Variants in PLCXD1 observed in about 807,000 individuals in gnomAD.
PLCXD1 encodes the protein phosphatidylinositol specific phospholipase C X domain containing 1.
In PLCXD1, 45 loss-of-function variants were observed where a neutral mutation model predicts 37.8. The ratio of observed to expected loss-of-function variants is 1.19; its 90% confidence interval spans 0.94 to 1.53. The LOEUF (loss-of-function observed/expected upper bound fraction) is 1.53. Among genes scored for constraint, PLCXD1 ranks in the 40% most tolerant of loss-of-function variants. The probability of loss-of-function intolerance (pLI) is 0.00; values close to 1 mark genes in which losing one functional copy is unlikely to be tolerated. For missense variants in PLCXD1, 539 were observed against 454.7 expected, an observed-to-expected ratio of 1.19 and a Z score of -1.69; for synonymous variants, 246 against 206.9, an observed-to-expected ratio of 1.19 and a Z score of -1.62.
chrX:290,785 G>A lies in PLCXD1; in HGVS notation c.393+9G>A, dbSNP rs766859538. ...CAACGGCGCTGGTGGAGGTGCGGCC[G>A]GGCTGAGGTGGGACGCAATGGGGAG... is the stretch of plus-strand genomic sequence containing the variant. On this transcript the variant is annotated intron_variant, in intron 4 of 6. Transcript: ENST00000381657. 4.3e-6 allele frequency: 7 copies of A among 1,611,190 alleles called. No homozygotes were observed. The highest frequency in any genetic ancestry group is 1.7e-4 in the Middle Eastern group (1 of 5,802).
intron 5 of PLCXD1, among the ~76,000 whole-genome samples, chrX:292,496 A>T (rs2069669915): frequency 6.6e-6 from 1 of 152,038 alleles, no homozygotes; most frequent in African/African-American, 2.4e-5. Context: ...ATATAAAAAT[A>T]GAGACAGGGT....
rs2069919394 is a variant in PLCXD1, at chrX:299,229, CG to C, written c.870del (p.Pro291ArgfsTer64). 1 of 1,613,860 alleles carries C rather than the reference CG, an allele frequency of 6.2e-7. No homozygotes were observed. The highest frequency in any genetic ancestry group is 1.1e-5 in the South Asian group (1 of 91,064). On this transcript the variant is annotated frameshift_variant, in exon 7 of 7. Transcript: ENST00000381657. LOFTEE classifies it high-confidence loss of function. Reference sequence around the variant, plus strand: ...AGCGCGTGGGTCCGAGAGCAGTGCCCGGGGCCGGGTTCACGGTGCACCAACA... The same window carrying C: ...AGCGCGTGGGTCCGAGAGCAGTGCCCGGGCCGGGTTCACGGTGCACCAACA... ...RLSAWVREQC[P>X]GPGSRCTNII... is the part of the protein sequence containing the mutation.
intron 1 of PLCXD1, 171 bp from the exon 2 acceptor site, chrX:283,996 C>T (rs957017957): frequency 3.7e-5 from 22 of 590,038 alleles, no homozygotes; most frequent in African/African-American, 5.5e-5. Flanking sequence ...ATTCTCCTGC[C>T]TCAGCCTCCC....
In PLCXD1 at chrX:299,750, C is replaced by G. The variant is rs2069942487; in HGVS notation, c.*415C>G. The G allele has an allele frequency of 4.9e-6, 1 of 202,954 alleles. No individual in the cohort carries two copies. The highest frequency in any genetic ancestry group is 2.5e-5 in the African/African-American group (1 of 40,736). 12.6% of individuals were successfully genotyped at this position (202,954 alleles called of 1,614,324 possible). Reference sequence around the variant, plus strand: ...CCAGTCTGAATGATAGACCGAGACTCCATCTCAAAAGAAAAAAAAACAGCC... The same window carrying G: ...CCAGTCTGAATGATAGACCGAGACTGCATCTCAAAAGAAAAAAAAACAGCC... On this transcript the variant is annotated 3_prime_UTR_variant, in exon 7 of 7. Transcript: ENST00000381657.
intron 6 of PLCXD1, among the ~76,000 whole-genome samples, chrX:296,101 T>A (rs1007378770): frequency 6.6e-6 from 1 of 151,864 alleles, no homozygotes; most frequent in South Asian, 2.1e-4. Context: ...CTTGAGCCAC[T>A]GTGCCCGGCC....
chrX:281,275 G>T (rs2069269976), upstream of PLCXD1: 1 of 178,758 alleles, frequency 5.6e-6, no homozygotes. Context: ...GCTTCTCTTG[G>T]AGAAAGAGGC....
intron 1 of PLCXD1, 97 bp from the exon 2 acceptor site, chrX:284,070 T>C: frequency 1.1e-6 from 1 of 932,586 alleles, no homozygotes; most frequent in Admixed American, 2.0e-5. Context: ...TTTGTATTTT[T>C]AGTAGAGATG....
At chrX:297,257 G>A (rs1245361662) in intron 6 of PLCXD1, among the ~76,000 whole-genome samples, 1 of 34,240 alleles carries the variant, frequency 2.9e-5, no homozygotes, top group African/African-American at 3.9e-4. Flanking sequence ...ACATCTTTGG[G>A]GACATTATTC....
intron 6 of PLCXD1, among the ~76,000 whole-genome samples, chrX:297,122 G>A (rs1292289005): frequency 2.1e-5 from 1 of 48,434 alleles, no homozygotes; most frequent in Non-Finnish European, 3.6e-5. Flanking sequence ...ACATTATTCT[G>A]TCTATCACAT....
chrX:289,510 C>CT lies in PLCXD1; in HGVS notation c.264+646dup, dbSNP rs1281823641. 5.1e-5 allele frequency among the ~76,000 whole-genome samples: 5 copies of CT among 97,784 alleles called. 1 individual carries two copies. The highest frequency in any genetic ancestry group is 2.0e-5 in the Non-Finnish European group (1 of 49,100). 64.2% of individuals were successfully genotyped at this position (97,784 alleles called of 152,430 possible). A position where few individuals can be genotyped will look rare whatever the true frequency, so the allele number is the denominator to read the frequency against. ...AGAGACAACACCTTTCTTTTTCTTTCTTTTTCTTTTTTTTTTTTTTGAGAC... is the reference window on the plus strand; with the variant it reads ...AGAGACAACACCTTTCTTTTTCTTTCTTTTTTCTTTTTTTTTTTTTTGAGAC... On this transcript the variant is annotated intron_variant, in intron 3 of 6. Transcript: ENST00000381657.
chrX:285,135 T>C (rs758043433), intron 2 of PLCXD1, among the ~76,000 whole-genome samples: 5,856 of 151,576 alleles, frequency 0.039, 165 homozygotes, highest in African/African-American at 0.076. Context: ...CGCACACACA[T>C]ACATGCATGC....
intron 5 of PLCXD1, 129 bp downstream of exon 5, chrX:291,783 G>C: frequency 9.7e-7 from 1 of 1,027,160 alleles, no homozygotes; most frequent in Non-Finnish European, 1.5e-6. Flanking sequence ...GTCGAACGGG[G>C]GCTGCCTGCT....
At chrX:297,714 C>A (rs868559969) in intron 6 of PLCXD1, among the ~76,000 whole-genome samples, 39 of 22,848 alleles carry the variant, frequency 1.7e-3, no homozygotes, top group Middle Eastern at 0.025. Flanking sequence ...TATTCTGTCT[C>A]CCACATGGGG....
chrX:290,504 C>G (rs958184881), intron 3 of PLCXD1, 144 bp from the exon 4 acceptor site: 3 of 816,164 alleles, frequency 3.7e-6, no homozygotes, highest in Non-Finnish European at 5.8e-6. Context: ...GCAGCGCTCC[C>G]AGCACATACA....
chrX:280,159 G>C (rs1218387421), upstream of PLCXD1, among the ~76,000 whole-genome samples: 2 of 152,160 alleles, frequency 1.3e-5, no homozygotes, highest in African/African-American at 4.8e-5. Flanking sequence ...GCCCCGCCCA[G>C]ACCTGCATTT....
chrX:286,447 C>T (rs1484910941), intron 2 of PLCXD1, among the ~76,000 whole-genome samples: 1 of 152,068 alleles, frequency 6.6e-6, no homozygotes, highest in Non-Finnish European at 1.5e-5. Context: ...GATACTGTAG[C>T]AGGACCAGCC....
chrX:290,393 G>A (rs943422386), intron 3 of PLCXD1, among the ~76,000 whole-genome samples: 4 of 149,060 alleles, frequency 2.7e-5, no homozygotes, highest in Non-Finnish European at 4.4e-5. Context: ...TTGCACCACT[G>A]CACTCCAGCC....
At chrX:283,243 A>G (rs1161459917) in intron 1 of PLCXD1, 1 of 136,006 alleles carries the variant, frequency 7.4e-6, no homozygotes, top group Non-Finnish European at 1.6e-5. Flanking sequence ...CTGGGCAACA[A>G]GAGCGAAACT....
chrX:290,551 AG>A (rs2069596727), intron 3 of PLCXD1, 96 bp from the exon 4 acceptor site: 3 of 1,324,134 alleles, frequency 2.3e-6, no homozygotes, highest in Non-Finnish European at 3.2e-6. Context: ...CCCAGTGGGC[AG>A]CAGGACATGC....
Sources: allele counts gnomAD v4.1 joint callset (sites outside exome capture counted in the v4.1 genomes callset), GRCh38; gene constraint gnomAD v4.1.1; transcripts MANE v1.5; gene names NCBI Gene and HGNC (gene_info 2026-07-23, HGNC 2026-07-21).